The following FAM210A variants were observed in gnomAD, a reference collection of about 807,000 sequenced individuals.
The protein encoded by FAM210A is mitochondrial inner membrane scaffold 1, also known as family with sequence similarity 210 member A.
Under a neutral mutation model 25.3 loss-of-function variants are expected in FAM210A, and 13 were observed. The observed-to-expected ratio is 0.51, with a 90% CI of 0.33 to 0.82. The LOEUF (loss-of-function observed/expected upper bound fraction) is 0.82. FAM210A is among the 40% of genes least tolerant of loss of function. FAM210A has a pLI of 0.02. For missense variants in FAM210A, 319 were observed against 323.2 expected, an observed-to-expected ratio of 0.99 and a Z score of 0.10; for synonymous variants, 125 against 118.7, an observed-to-expected ratio of 1.05 and a Z score of -0.35.
intron 1 of FAM210A, among the ~76,000 whole-genome samples, chr18:13,724,920 C>T (rs1424471909): frequency 6.6e-6 from 1 of 152,032 alleles, no homozygotes; most frequent in Non-Finnish European, 1.5e-5. Context: ...ATTACAGGCA[C>T]GCGCCACCAC....
chr18:13,713,042 T>A (rs1183645809), intron 1 of FAM210A, among the ~76,000 whole-genome samples: 1 of 152,220 alleles, frequency 6.6e-6, no homozygotes, highest in Non-Finnish European at 1.5e-5. Flanking sequence ...TGTTAACAGC[T>A]AAGATGCTCA....
At position 13,681,873 on chromosome 18, in the gene FAM210A, T is replaced by G; in HGVS notation, c.205A>C (p.Arg69=). ...TGGGGTGGATGAGCATCCAATGGCCTCCTTTCCTTTGCAACACACTGGGCA... is the reference window on the plus strand; with the variant it reads ...TGGGGTGGATGAGCATCCAATGGCCGCCTTTCCTTTGCAACACACTGGGCA... The part of the protein sequence containing the change: ...SAAQCVAKER[R]PLDAHPPQPG... The change falls in exon 2 of 4, where the codon AGG becomes CGG. Residue 69 remains arginine, a synonymous_variant. Coordinates refer to ENST00000651643, the MANE Select transcript of FAM210A (RefSeq NM_152352.4). 1 of 1,614,196 alleles carries G rather than the reference T, an allele frequency of 6.2e-7. No individual in the cohort carries two copies. The highest frequency in any genetic ancestry group is 8.5e-7 in the Non-Finnish European group (1 of 1,180,042).
intron 1 of FAM210A, among the ~76,000 whole-genome samples, chr18:13,719,268 A>G (rs2043882140): frequency 6.6e-6 from 1 of 152,128 alleles, no homozygotes; most frequent in African/African-American, 2.4e-5. Context: ...ATAGCAAGGA[A>G]GAGTTACTAT....
chr18:13,709,076 A>G (rs1214299538), intron 1 of FAM210A, among the ~76,000 whole-genome samples: 4 of 152,224 alleles, frequency 2.6e-5, no homozygotes, highest in Admixed American at 2.6e-4. Flanking sequence ...GTGACAGTCC[A>G]TGACAATTTC....
chr18:13,724,141 C>G (rs2043916598), intron 1 of FAM210A, among the ~76,000 whole-genome samples: 1 of 152,096 alleles, frequency 6.6e-6, no homozygotes, highest in African/African-American at 2.4e-5. Flanking sequence ...CTTGGTGGAG[C>G]TCACATTCCA....
chr18:13,670,303 G>T (rs2043431316), intron 3 of FAM210A, among the ~76,000 whole-genome samples: 1 of 152,072 alleles, frequency 6.6e-6, no homozygotes, highest in Non-Finnish European at 1.5e-5. Context: ...ACTTACTCGG[G>T]TTAAAATTAT....
chr18:13,678,912 T>C (rs2043526180), intron 2 of FAM210A, among the ~76,000 whole-genome samples: 1 of 152,214 alleles, frequency 6.6e-6, no homozygotes, highest in Non-Finnish European at 1.5e-5. Context: ...ACAAGGCATC[T>C]AAATGCAGGG....
chr18:13,708,211 A>C (rs1417723470), intron 1 of FAM210A, among the ~76,000 whole-genome samples: 3 of 152,230 alleles, frequency 2.0e-5, no homozygotes, highest in Non-Finnish European at 4.4e-5. Flanking sequence ...GATTTACTGG[A>C]TTATTATAAA....
intron 1 of FAM210A, among the ~76,000 whole-genome samples, chr18:13,689,566 G>A (rs968434329): frequency 6.6e-6 from 1 of 152,170 alleles, no homozygotes; most frequent in African/African-American, 2.4e-5. Flanking sequence ...GTGGGAGGCT[G>A]GACGCTCGCC....
At chr18:13,671,286 C>A (rs544582681) in intron 3 of FAM210A, among the ~76,000 whole-genome samples, 13 of 152,136 alleles carry the variant, frequency 8.5e-5, no homozygotes, top group South Asian at 4.1e-4. Flanking sequence ...TAAAACCACA[C>A]ACAAAACAAA....
chr18:13,684,727 A>C (rs1463486061), intron 1 of FAM210A, among the ~76,000 whole-genome samples: 1 of 152,202 alleles, frequency 6.6e-6, no homozygotes, highest in Admixed American at 6.5e-5. Flanking sequence ...CATTTATAGA[A>C]TACTCCATTC....
intron 1 of FAM210A, among the ~76,000 whole-genome samples, chr18:13,696,185 G>A (rs1013465636): frequency 6.6e-5 from 10 of 152,278 alleles, no homozygotes; most frequent in South Asian, 6.2e-4. Flanking sequence ...AATAATATCC[G>A]AATCAAAATC....
chr18:13,721,111 A>G (rs927036097), intron 1 of FAM210A, among the ~76,000 whole-genome samples: 92 of 152,238 alleles, frequency 6.0e-4, no homozygotes, highest in African/African-American at 2.1e-3. Flanking sequence ...CCAATACATA[A>G]ATTTTTAGAA....
intron 1 of FAM210A, among the ~76,000 whole-genome samples, chr18:13,690,449 T>G (rs2043633849): frequency 6.6e-6 from 1 of 152,238 alleles, no homozygotes; most frequent in South Asian, 2.1e-4. Context: ...ATGGACAGTC[T>G]GCCTTCTCAA....
At chr18:13,718,081 T>C (rs1302887553) in intron 1 of FAM210A, among the ~76,000 whole-genome samples, 1 of 152,162 alleles carries the variant, frequency 6.6e-6, no homozygotes, top group Non-Finnish European at 1.5e-5. Context: ...CAGATGAGAA[T>C]GCAGCCTGCT....
At position 13,665,921 on chromosome 18, in the gene FAM210A, G is replaced by C. The variant is rs1041462577; in HGVS notation, c.*559C>G. 2 of 152,804 alleles carry C rather than the reference G, an allele frequency of 1.3e-5. No homozygotes were observed. Among genetic ancestry groups the C allele is most frequent in the South Asian group, 2.1e-4 (1 of 4,862 alleles). The allele number at this position is 152,804 out of a possible 1,614,324, so 9.5% of individuals were successfully genotyped here. Reference sequence around the variant, plus strand: ...TACATCTTATTTACATATATGACTGGATCTTTATTCTATTTTCTTCATATA... The same window carrying C: ...TACATCTTATTTACATATATGACTGCATCTTTATTCTATTTTCTTCATATA... On this transcript the variant is annotated 3_prime_UTR_variant, in exon 4 of 4. Coordinates refer to ENST00000651643, the MANE Select transcript of FAM210A (RefSeq NM_152352.4).
chr18:13,665,899 A>C lies in FAM210A; in HGVS notation c.*581T>G, dbSNP rs1334724076. 1 of 152,692 alleles carries C rather than the reference A, an allele frequency of 6.5e-6. No individual in the cohort carries two copies. The highest frequency in any genetic ancestry group is 1.5e-5 in the Non-Finnish European group (1 of 68,412). The allele number at this position is 152,692 out of a possible 1,614,324, so 9.5% of individuals were successfully genotyped here. ...TTTTTCATTTACGTACAATCAGTAC[A>C]TCTTATTTACATATATGACTGGATC... On this transcript the variant is annotated 3_prime_UTR_variant, in exon 4 of 4. Transcript: ENST00000651643.
intron 1 of FAM210A, 39 bp downstream of exon 1, chr18:13,726,290 C>A: frequency 6.5e-6 from 1 of 152,860 alleles, no homozygotes; most frequent in Non-Finnish European, 1.5e-5. Flanking sequence ...GCCCTCTAGA[C>A]CCCTCCCGCT....
intron 1 of FAM210A, among the ~76,000 whole-genome samples, chr18:13,709,977 T>C (rs1568488177): frequency 1.3e-5 from 2 of 152,216 alleles, no homozygotes; most frequent in Non-Finnish European, 2.9e-5. Context: ...ACTAGCTAGC[T>C]GTCCTCACTT....
Sources: gnomAD v4.1 joint callset for allele counts (sites outside exome capture counted in the v4.1 genomes callset) on GRCh38, gnomAD v4.1.1 for gene constraint, MANE v1.5 for transcripts, NCBI Gene and HGNC (gene_info 2026-07-23, HGNC 2026-07-21) for gene names.